The following COL18A1 variants were observed in gnomAD, a reference collection of about 807,000 sequenced individuals.
COL18A1 encodes the protein collagen alpha-1(XVIII) chain.
In COL18A1, 133 loss-of-function variants were observed where a neutral mutation model predicts 168.0. The ratio of observed to expected loss-of-function variants is 0.79; its 90% CI spans 0.69 to 0.91. The LOEUF (loss-of-function observed/expected upper bound fraction) is 0.91, where lower values mean the gene tolerates loss of function less well. Among genes scored for constraint, COL18A1 ranks in the 40% least tolerant of loss-of-function variants. The probability of loss-of-function intolerance (pLI) is 0.00; values close to 1 mark genes in which losing one functional copy is unlikely to be tolerated. For missense variants in COL18A1, 2,126 were observed against 1,925.4 expected (o/e 1.10, Z -1.95); for synonymous variants, 949 against 809.0 (o/e 1.17, Z -2.94).
intron 32 of COL18A1, among the ~76,000 whole-genome samples, chr21:45,501,460 C>T (rs1285446894): frequency 6.6e-6 from 1 of 152,120 alleles, no homozygotes; most frequent in Non-Finnish European, 1.5e-5. Context: ...AACTGTGACC[C>T]CACGAGTGCA....
intron 2 of COL18A1, chr21:45,467,562 T>A (rs539476179): frequency 3.8e-6 from 2 of 530,992 alleles, no homozygotes; most frequent in African/African-American, 2.1e-5. Flanking sequence ...CAGCGCTGGG[T>A]GAAATCCCGC....
At chr21:45,408,484 G>A (rs1249592885) in intron 2 of COL18A1, 1 of 152,342 alleles carries the variant, frequency 6.6e-6, no homozygotes, top group African/African-American at 2.4e-5. Flanking sequence ...CTGGGGGCTG[G>A]GTTCTTTGGG....
chr21:45,441,095 C>G (rs2034358436), intron 2 of COL18A1, among the ~76,000 whole-genome samples: 1 of 152,182 alleles, frequency 6.6e-6, no homozygotes, highest in Admixed American at 6.5e-5. Flanking sequence ...CCTCACATGG[C>G]CCTGGGAATT....
chr21:45,468,122 A>C, intron 2 of COL18A1, 120 bp from the exon 3 acceptor site: 1 of 1,080,254 alleles, frequency 9.3e-7, no homozygotes, highest in South Asian at 1.5e-5. Context: ...AGGCACGTGG[A>C]GAGCCCTCCC....
chr21:45,507,090 G>GCA (rs2146098155), intron 37 of COL18A1: 1 of 350,710 alleles, frequency 2.9e-6, no homozygotes, highest in East Asian at 5.9e-5. Flanking sequence ...GGCAGGGAGG[G>GCA]CAACCTGCCG....
Position 45,411,767 on chromosome 21 carries a change from GGGGGGGGGGCA to G in COL18A1, c.106+6297_106+6307del, listed in dbSNP as rs1348121118. On this transcript the variant is annotated intron_variant, in intron 2 of 41. Transcript: ENST00000651438. ...AGAGTCAGGGCTGATGGCGGGGGGT[GGGGGGGGGGCA>G]GGCTGTGGTCAGGGACCTGCAGGAG... Among the ~76,000 whole-genome samples, 8 of 101,520 alleles carry G rather than the reference GGGGGGGGGGCA, an allele frequency of 7.9e-5. 1 individual carries two copies. Among genetic ancestry groups the G allele is most frequent in the East Asian group, 3.7e-4 (1 of 2,704 alleles). 66.6% of individuals were successfully genotyped at this position (101,520 alleles called of 152,430 possible). A position where few individuals can be genotyped will look rare whatever the true frequency, so the allele number is the denominator to read the frequency against.
intron 2 of COL18A1, among the ~76,000 whole-genome samples, chr21:45,440,710 C>T (rs112832641): frequency 9.2e-5 from 14 of 152,088 alleles, no homozygotes; most frequent in South Asian, 4.1e-4. Flanking sequence ...GAACCACGTT[C>T]CCCGGAAGCA....
intron 29 of COL18A1, 194 bp downstream of exon 29, chr21:45,495,626 A>C: frequency 3.4e-6 from 2 of 595,208 alleles, no homozygotes; most frequent in Non-Finnish European, 6.2e-6. Context: ...GTGCCCAAAC[A>C]TGCATGCACA....
intron 2 of COL18A1, among the ~76,000 whole-genome samples, chr21:45,458,537 A>G (rs975908915): frequency 1.3e-5 from 2 of 152,168 alleles, no homozygotes; most frequent in African/African-American, 4.8e-5. Flanking sequence ...CCAAATGCCC[A>G]GCAAGCACCA....
intron 41 of COL18A1, among the ~76,000 whole-genome samples, chr21:45,511,535 C>T (rs773405798): frequency 5.9e-5 from 9 of 152,204 alleles, no homozygotes; most frequent in East Asian, 1.9e-4. Context: ...ATGTAAGCAG[C>T]GCAGCGAGTT....
intron 2 of COL18A1, among the ~76,000 whole-genome samples, chr21:45,451,060 C>T (rs2034610682): frequency 6.6e-6 from 1 of 152,228 alleles, no homozygotes; most frequent in Non-Finnish European, 1.5e-5. Context: ...CAGTGGGGGA[C>T]AGCAGGTCCT....
chr21:45,487,485 A>G lies in COL18A1; in HGVS notation c.1872A>G (p.Thr624=), dbSNP rs756306359. The G allele has an allele frequency of 1.9e-6, 3 of 1,613,116 alleles. No homozygotes were observed. Among genetic ancestry groups the G allele is most frequent in the Non-Finnish European group, 1.7e-6 (2 of 1,179,994 alleles). The change falls in exon 17 of 42, where the codon ACA becomes ACG. Residue 624 remains threonine (T), a synonymous_variant. Coordinates refer to ENST00000651438, the MANE Select transcript of COL18A1 (RefSeq NM_001379500.1). ...MEGSGGPFWS[T]ARSADGPQGP... The stretch of plus-strand genomic sequence containing the variant: ...GCTCCGGGGGGCCCTTCTGGTCAAC[A>G]GCCCGAAGCGCTGATGGGCCACAGG...
rs1431277107 is a variant in COL18A1, at chr21:45,443,112, G to T, written c.107-25130G>T. Reference sequence around the variant, plus strand: ...TGCTGATGTGGGCGGCGGTGCTGGTGTGGGCGGCGGTGCTGGTGTGGGCGG... The same window carrying T: ...TGCTGATGTGGGCGGCGGTGCTGGTTTGGGCGGCGGTGCTGGTGTGGGCGG... On this transcript the variant is annotated intron_variant, in intron 2 of 41. Coordinates refer to ENST00000651438, the MANE Select transcript of COL18A1 (RefSeq NM_001379500.1). The surrounding 1 kb of genome is among the most constrained non-coding windows in gnomAD (Gnocchi z 5.2). 1.0e-5 allele frequency among the ~76,000 whole-genome samples: 1 copy of T among 99,020 alleles called. No homozygotes were observed. Among genetic ancestry groups the T allele is most frequent in the African/African-American group, 3.6e-5 (1 of 27,800 alleles). The allele number at this position is 99,020 out of a possible 152,430, so 65.0% of individuals were successfully genotyped here. A position where few individuals can be genotyped will look rare whatever the true frequency, so the allele number is the denominator to read the frequency against.
At position 45,423,061 on chromosome 21, in the gene COL18A1, G is replaced by A. The variant is rs1398593640; in HGVS notation, c.106+17588G>A. Among the ~76,000 whole-genome samples, 8 of 152,088 alleles carry A rather than the reference G, an allele frequency of 5.3e-5. No homozygotes were observed. The highest frequency in any genetic ancestry group is 2.0e-4 in the Admixed American group (3 of 15,276). On this transcript the variant is annotated intron_variant, in intron 2 of 41. Transcript: ENST00000651438. This position sits in a 1 kb window ranked among gnomAD's most constrained non-coding sequence, Gnocchi z 4.0. ...ACTCCCGACCTCAGGTGATCTGCCC[G>A]CATCTCCTTCCCAGAGTGTTGGGAT...
Position 45,475,508 on chromosome 21 carries a change from C to T in COL18A1, c.771C>T (p.Asp257=), listed in dbSNP as rs371736290. ...ASGDSGSGLG[D]ARELLREETG... Reference sequence around the variant, plus strand: ...GAGACTCTGGCAGCGGGCTCGGGGACGCCCGGGAGCTTCTCAGGGAGGAGA... The same window carrying T: ...GAGACTCTGGCAGCGGGCTCGGGGATGCCCGGGAGCTTCTCAGGGAGGAGA... Residue 257 remains aspartate, a synonymous_variant, in exon 5 of 42, where the codon GAC becomes GAT. Transcript: ENST00000651438. 23 of 1,606,992 alleles carry T rather than the reference C, an allele frequency of 1.4e-5. No homozygotes were observed. The highest frequency in any genetic ancestry group is 2.2e-4 in the Middle Eastern group (1 of 4,462).
In COL18A1 at chr21:45,503,993, CCTGT is replaced by C. The variant is rs1232522044; in HGVS notation, c.2684-15_2684-12del. ...CAGACACCACCTCAGCGAGACCCCGCCTGTCTCTCTCTTGCAGGGCAGTTTCCGT... is the reference window on the plus strand; with the variant it reads ...CAGACACCACCTCAGCGAGACCCCGCCTCTCTCTTGCAGGGCAGTTTCCGT... On this transcript the variant is annotated splice_polypyrimidine_tract_variant and intron_variant, in intron 32 of 41. Coordinates refer to ENST00000651438, the MANE Select transcript of COL18A1 (RefSeq NM_001379500.1). 2.5e-6 allele frequency: 4 copies of C among 1,613,312 alleles called. No homozygotes were observed. Among genetic ancestry groups the C allele is most frequent in the Admixed American group, 3.3e-5 (2 of 59,998 alleles).
chr21:45,471,805 T>C lies in COL18A1; in HGVS notation c.652-2090T>C, dbSNP rs2035438387. On this transcript the variant is annotated intron_variant, in intron 3 of 41. Coordinates refer to ENST00000651438, the MANE Select transcript of COL18A1 (RefSeq NM_001379500.1). This position sits in a 1 kb window ranked among gnomAD's most constrained non-coding sequence, Gnocchi z 4.4. ...TGAGGCTGCAGCGTGTCGGGAAGCA[T>C]TTTACATGCTCTTCCCTCACAGAAT... Among the ~76,000 whole-genome samples, 1 of 152,162 alleles carries C rather than the reference T, an allele frequency of 6.6e-6. No individual in the cohort carries two copies. Among genetic ancestry groups the C allele is most frequent in the Non-Finnish European group, 1.5e-5 (1 of 68,032 alleles).
In COL18A1 at chr21:45,491,310, A is replaced by AG; in HGVS notation, c.2155dup (p.Asp719GlyfsTer11). Reference sequence around the variant, plus strand: ...GGACCTGTGGTCTACGTGTCGGAGCAGGACGTAAGGACGCTGCGTGGGTGG... The same window carrying AG: ...GGACCTGTGGTCTACGTGTCGGAGCAGGGACGTAAGGACGCTGCGTGGGTGG... On this transcript the variant is annotated frameshift_variant, in exon 22 of 42. Coordinates refer to ENST00000651438, the MANE Select transcript of COL18A1 (RefSeq NM_001379500.1). LOFTEE classifies it high-confidence loss of function. 2 of 1,610,248 alleles carry AG rather than the reference A, an allele frequency of 1.2e-6. No individual in the cohort carries two copies. Among genetic ancestry groups the AG allele is most frequent in the Non-Finnish European group, 1.7e-6 (2 of 1,178,146 alleles).
chr21:45,510,228 C>T lies in COL18A1; in HGVS notation c.3660C>T (p.Ala1220=), dbSNP rs367565307. The change falls in exon 40 of 42, where the codon GCC becomes GCT. Residue 1220 remains alanine, a synonymous_variant. Coordinates refer to ENST00000651438, the MANE Select transcript of COL18A1 (RefSeq NM_001379500.1). ...ACCTGTACAGCATCGTGCGCCGTGC[C>T]GACCGCGCAGCCGTGCCCATCGTCA... ...LQDLYSIVRR[A]DRAAVPIVNL... The T allele has an allele frequency of 2.9e-5, 47 of 1,606,320 alleles. No homozygotes were observed. Among genetic ancestry groups the T allele is most frequent in the Middle Eastern group, 1.6e-4 (1 of 6,074 alleles).
Sources: gnomAD v4.1 joint callset for allele counts (sites outside exome capture counted in the v4.1 genomes callset) on GRCh38, gnomAD v4.1.1 for gene constraint, Gnocchi (gnomAD v3.1) non-coding constraint, MANE v1.5 for transcripts, NCBI Gene and HGNC (gene_info 2026-07-23, HGNC 2026-07-21) for gene names.